Variants in BRMS1L observed in about 807,000 individuals in gnomAD.
BRMS1L encodes the protein BRMS1 like transcriptional repressor.
Under a neutral mutation model 50.3 loss-of-function variants are expected in BRMS1L, and 23 were observed. The ratio of observed to expected loss-of-function variants is 0.46; its 90% CI spans 0.33 to 0.65. The LOEUF is 0.65. Ranked by LOEUF, BRMS1L falls within the 30% of genes least tolerant of loss-of-function variation. The probability of loss-of-function intolerance (pLI) is 0.02; values close to 1 mark genes in which losing one functional copy is unlikely to be tolerated. For missense variants in BRMS1L, 286 were observed against 386.1 expected, an observed-to-expected ratio of 0.74 and a Z score of 2.17; for synonymous variants, 114 against 126.9, an observed-to-expected ratio of 0.90 and a Z score of 0.69.
chr14:35,865,649 A>G (rs1398779421), intron 7 of BRMS1L, 73 bp from the exon 8 acceptor site: 2 of 1,174,452 alleles, frequency 1.7e-6, no homozygotes, highest in African/African-American at 1.6e-5. Context: ...GTATATATTA[A>G]ATAGATACCA....
chr14:35,844,027 G>A (rs538457032), intron 4 of BRMS1L, among the ~76,000 whole-genome samples: 22 of 152,104 alleles, frequency 1.4e-4, no homozygotes, highest in Non-Finnish European at 2.8e-4. Flanking sequence ...AATGGTGGAC[G>A]CCCCTCCCCT....
At chr14:35,851,236 C>T (rs78673521) in intron 4 of BRMS1L, among the ~76,000 whole-genome samples, 73 of 152,196 alleles carry the variant, frequency 4.8e-4, no homozygotes, top group African/African-American at 1.7e-3. Flanking sequence ...AAGGTGAAAC[C>T]GCACAGGTGT....
At chr14:35,854,571 C>T (rs2078255733) in intron 4 of BRMS1L, among the ~76,000 whole-genome samples, 1 of 152,128 alleles carries the variant, frequency 6.6e-6, no homozygotes, top group Non-Finnish European at 1.5e-5. Flanking sequence ...GGAAATTTCT[C>T]AGCCATTATA....
At chr14:35,840,779 G>A (rs1316470478) in intron 4 of BRMS1L, among the ~76,000 whole-genome samples, 4 of 151,870 alleles carry the variant, frequency 2.6e-5, no homozygotes, top group Non-Finnish European at 5.9e-5. Flanking sequence ...AGTCTGGCTA[G>A]TGGTCTATCT....
At chr14:35,846,557 A>G (rs532340669) in intron 4 of BRMS1L, among the ~76,000 whole-genome samples, 67 of 152,290 alleles carry the variant, frequency 4.4e-4, no homozygotes, top group Non-Finnish European at 3.5e-4. Flanking sequence ...GTTATTTTGT[A>G]GAATGTTCCT....
At position 35,826,374 on chromosome 14, in the gene BRMS1L, A is replaced by G. The variant is rs2077841572; in HGVS notation, c.-143A>G. The G allele has an allele frequency of 4.0e-6, 5 of 1,261,842 alleles. No homozygotes were observed. Among genetic ancestry groups the G allele is most frequent in the Non-Finnish European group, 5.5e-6 (5 of 915,382 alleles). The allele number at this position is 1,261,842 out of a possible 1,614,324, so 78.2% of individuals were successfully genotyped here. On this transcript the variant is annotated 5_prime_UTR_variant, in exon 1 of 10. Transcript: ENST00000216807. ...CGCAGAGCCTGCGGGTTAGGTTGTGAGGCCCGGGCCGGGGGCGGGGAGGAG... is the reference window on the plus strand; with the variant it reads ...CGCAGAGCCTGCGGGTTAGGTTGTGGGGCCCGGGCCGGGGGCGGGGAGGAG...
chr14:35,833,210 A>G (rs943964099), intron 3 of BRMS1L, 105 bp downstream of exon 3: 17 of 1,159,782 alleles, frequency 1.5e-5, no homozygotes, highest in Non-Finnish European at 2.0e-5. Flanking sequence ...TTACAAGCAT[A>G]TTTACATCGA....
At chr14:35,846,995 C>T (rs575626233) in intron 4 of BRMS1L, among the ~76,000 whole-genome samples, 18 of 151,894 alleles carry the variant, frequency 1.2e-4, no homozygotes, top group Non-Finnish European at 2.1e-4. Context: ...AAAAATAAAA[C>T]GCAGGGTCTC....
chr14:35,859,986 G>T (rs2078329014), intron 4 of BRMS1L, among the ~76,000 whole-genome samples: 1 of 151,934 alleles, frequency 6.6e-6, no homozygotes, highest in Non-Finnish European at 1.5e-5. Context: ...CGTATCTTCA[G>T]TTCTGGGAAA....
In BRMS1L at chr14:35,842,062, G is replaced by C. The variant is rs527988095; in HGVS notation, c.441+7139G>C. Among the ~76,000 whole-genome samples, 4 of 144,744 alleles carry C rather than the reference G, an allele frequency of 2.8e-5. No homozygotes were observed. The East Asian group carries it at 8.2e-4, about 30-fold the overall frequency. The allele number at this position is 144,744 out of a possible 152,430, so 95.0% of individuals were successfully genotyped here. A position where few individuals can be genotyped will look rare whatever the true frequency, so the allele number is the denominator to read the frequency against. Reference sequence around the variant, plus strand: ...ATATTCCTCCATCCCTTTATTTTGAGCTTATGTGTTTCTTTGCACGTGAGA... The same window carrying C: ...ATATTCCTCCATCCCTTTATTTTGACCTTATGTGTTTCTTTGCACGTGAGA... On this transcript the variant is annotated intron_variant, in intron 4 of 9. Coordinates refer to ENST00000216807, the MANE Select transcript of BRMS1L (RefSeq NM_032352.4).
At chr14:35,854,091 C>T (rs1366007265) in intron 4 of BRMS1L, among the ~76,000 whole-genome samples, 2 of 152,126 alleles carry the variant, frequency 1.3e-5, no homozygotes, top group Non-Finnish European at 2.9e-5. Flanking sequence ...ACCCTTCAAA[C>T]GAGACATTAT....
intron 2 of BRMS1L, 81 bp downstream of exon 2, chr14:35,831,581 A>G: frequency 2.9e-6 from 3 of 1,020,882 alleles, no homozygotes; most frequent in South Asian, 2.7e-5. Context: ...AACTAGATTC[A>G]GTCTCAGCTG....
intron 4 of BRMS1L, among the ~76,000 whole-genome samples, chr14:35,837,224 C>T (rs981900250): frequency 6.6e-6 from 1 of 151,048 alleles, no homozygotes; most frequent in Non-Finnish European, 1.5e-5. Flanking sequence ...CATTGCACTC[C>T]AGCCTGGGCA....
chr14:35,862,552 T>C (rs766988860), intron 4 of BRMS1L, 38 bp from the exon 5 acceptor site: 2 of 1,434,884 alleles, frequency 1.4e-6, no homozygotes, highest in Admixed American at 2.1e-5. Flanking sequence ...CACCAATTTT[T>C]TTCTTTCTAC....
Position 35,826,561 on chromosome 14 carries a change from C to G in BRMS1L, c.45C>G (p.His15Gln). ...GGGATAAGAAGGAGACCAACCATCA[C>G]GATGAGATGGAGGTGGACTACGCCG... ...SRGDKKETNH[H>Q]DEMEVDYAEN... The change falls in exon 1 of 10, where the codon CAC (histidine) becomes CAG (glutamine). Residue 15 changes from histidine to glutamine, a missense_variant. His to Gln is a conservative substitution (Grantham distance 24, BLOSUM62 0). This residue lies in a region of BRMS1L where 66 missense variants were observed against 67.8 expected (regional missense o/e 0.97). Coordinates refer to ENST00000216807, the MANE Select transcript of BRMS1L (RefSeq NM_032352.4). The G allele has an allele frequency of 1.2e-6, 2 of 1,606,358 alleles. No homozygotes were observed. Among genetic ancestry groups the G allele is most frequent in the Non-Finnish European group, 1.7e-6 (2 of 1,177,090 alleles).
chr14:35,831,653 G>A (rs2077920818), intron 2 of BRMS1L, among the ~76,000 whole-genome samples, 153 bp downstream of exon 2: 1 of 152,184 alleles, frequency 6.6e-6, no homozygotes, highest in South Asian at 2.1e-4. Flanking sequence ...GTCTACTAAA[G>A]ACCTCATTAA....
rs747111316 is a variant in BRMS1L at position 35,834,938 on chromosome 14, C to T, written c.441+15C>T. On this transcript the variant is annotated intron_variant, in intron 4 of 9. Transcript: ENST00000216807. ...AGCATTGTGAGGTACTGTCATTTTG[C>T]ATAACTTTTAAGCTAATTTCATCTC... 1 of 1,571,982 alleles carries T rather than the reference C, an allele frequency of 6.4e-7. No individual in the cohort carries two copies. The highest frequency in any genetic ancestry group is 1.4e-5 in the African/African-American group (1 of 73,738).
At position 35,841,858 on chromosome 14, in the gene BRMS1L, A is replaced by G. The variant is rs184722047; in HGVS notation, c.441+6935A>G. On this transcript the variant is annotated intron_variant, in intron 4 of 9. Transcript: ENST00000216807. ...CCTTTATGAATCTGCATGCTCCTGT[A>G]TTGGTTGCATATATATTTAGGATAG... Among the ~76,000 whole-genome samples, 277 of 152,200 alleles carry G rather than the reference A, an allele frequency of 1.8e-3. 3 individuals are homozygous for G. Among genetic ancestry groups the G allele is most frequent in the African/African-American group, 6.3e-3 (263 of 41,516 alleles).
chr14:35,832,954 C>G (rs548116060), intron 2 of BRMS1L, 24 bp from the exon 3 acceptor site: 1 of 1,564,204 alleles, frequency 6.4e-7, no homozygotes, highest in East Asian at 2.3e-5. Flanking sequence ...TTTAAATTAA[C>G]ATATTAATTT....
Sources: allele counts gnomAD v4.1 joint callset (sites outside exome capture counted in the v4.1 genomes callset), GRCh38; gene constraint gnomAD v4.1.1; regional missense constraint gnomAD v4.1.1; transcripts MANE v1.5; gene names NCBI Gene and HGNC (gene_info 2026-07-23, HGNC 2026-07-21).